EML2: variants seen among roughly 807,000 people sequenced by gnomAD.
EML2 encodes echinoderm microtubule-associated protein-like 2.
A neutral mutation model predicts 84.7 loss-of-function variants in EML2; 59 were observed. That is an observed-to-expected ratio of 0.70 (90% CI 0.56 to 0.86). The LOEUF (loss-of-function observed/expected upper bound fraction) is 0.86. Ranked by LOEUF, EML2 falls within the 40% of genes least tolerant of loss-of-function variation. The probability of loss-of-function intolerance (pLI) is 0.00; values close to 1 mark genes in which losing one functional copy is unlikely to be tolerated. For synonymous variants in EML2, 352 were observed against 348.9 expected, an observed-to-expected ratio of 1.01 and a Z score of -0.10; for missense variants, 818 against 855.6, an observed-to-expected ratio of 0.96 and a Z score of 0.55.
At chr19:45,630,403 A>C (rs933594672) in intron 6 of EML2, among the ~76,000 whole-genome samples, 6 of 151,904 alleles carry the variant, frequency 3.9e-5, no homozygotes, top group Non-Finnish European at 7.4e-5. Flanking sequence ...AATACAAAAA[A>C]TTAGCCAGGC....
chr19:45,614,693 C>G lies in EML2; in HGVS notation c.1605G>C (p.Pro535=), dbSNP rs201278347. The G allele has an allele frequency of 6.2e-7, 1 of 1,613,828 alleles. No individual in the cohort carries two copies. Among genetic ancestry groups the G allele is most frequent in the Non-Finnish European group, 8.5e-7 (1 of 1,179,804 alleles). The part of the protein sequence containing the change: ...SGDYEILYWD[P]ATCKQITSAD... ...CACTGGTGATCTGCTTACAGGTAGC[C>G]GGGTCCCCTGGGGCAGAAAATGGGA... The change falls in exon 17 of 19, where the codon CCG becomes CCC. Residue 535 remains proline (P), a synonymous_variant. Transcript: ENST00000245925.
intron 7 of EML2, among the ~76,000 whole-genome samples, chr19:45,627,706 C>T (rs1204537088): frequency 6.6e-6 from 1 of 152,228 alleles, no homozygotes; most frequent in Non-Finnish European, 1.5e-5. Flanking sequence ...ATCATTAGCT[C>T]CTTTAATCCT....
chr19:45,632,741 G>C, intron 6 of EML2, 120 bp downstream of exon 6: 1 of 820,412 alleles, frequency 1.2e-6, no homozygotes, highest in Non-Finnish European at 2.0e-6. Context: ...ACGTCACAGA[G>C]GCGGGCCACG....
intron 3 of EML2, among the ~76,000 whole-genome samples, chr19:45,634,804 AC>A (rs1973530492): frequency 6.7e-6 from 1 of 149,744 alleles, no homozygotes; most frequent in African/African-American, 2.5e-5. Context: ...CTTGTGATCC[AC>A]CCGCCTCGCC....
At chr19:45,616,133 G>A (rs113324899) in intron 15 of EML2, 1 of 571,602 alleles carries the variant, frequency 1.7e-6, no homozygotes, top group Non-Finnish European at 3.1e-6. Flanking sequence ...TTTAGAACAG[G>A]TGGGCAGGGC....
intron 12 of EML2, among the ~76,000 whole-genome samples, chr19:45,618,220 C>T (rs1412363103): frequency 6.6e-5 from 10 of 151,052 alleles, no homozygotes; most frequent in African/African-American, 2.4e-5. Flanking sequence ...CCCACCACCA[C>T]GCCCGGCTAA....
At position 45,618,186 on chromosome 19, in the gene EML2, C is replaced by A. The variant is rs538976877; in HGVS notation, c.1255-489G>T. ...TCAAGCGATTCTCCTGGCTCAGCCT[C>A]CCAAGTAGCTGACATTACAGGCGCC... On this transcript the variant is annotated intron_variant, in intron 12 of 18. Transcript: ENST00000245925. Among the ~76,000 whole-genome samples, 130 of 152,112 alleles carry A rather than the reference C, an allele frequency of 8.5e-4. 2 individuals are homozygous for A. The highest frequency in any genetic ancestry group is 2.9e-3 in the African/African-American group (119 of 41,490).
chr19:45,640,311 C>G (rs1974307540), upstream of EML2: 1 of 152,146 alleles, frequency 6.6e-6, no homozygotes, highest in African/African-American at 2.4e-5. Flanking sequence ...CTCGAATTTC[C>G]TAGGCTTAAG....
upstream of EML2, chr19:45,645,601 C>T: frequency 1.5e-6 from 1 of 645,840 alleles, no homozygotes; most frequent in Non-Finnish European, 2.5e-6. Flanking sequence ...CCCCTAGGTA[C>T]CGTCTGGTCC....
At chr19:45,618,647 G>C (rs1971353778) in intron 12 of EML2, among the ~76,000 whole-genome samples, 1 of 151,972 alleles carries the variant, frequency 6.6e-6, no homozygotes, top group South Asian at 2.1e-4. Flanking sequence ...CCCCCACCCT[G>C]CTTAAAAAGA....
At chr19:45,623,013 C>T (rs1245773371) in intron 9 of EML2, among the ~76,000 whole-genome samples, 3 of 148,132 alleles carry the variant, frequency 2.0e-5, no homozygotes, top group Admixed American at 6.8e-5. Context: ...CGCCACTGCA[C>T]CCCAGCATGG....
chr19:45,614,979 T>A, intron 16 of EML2: 1 of 336,302 alleles, frequency 3.0e-6, no homozygotes, highest in Non-Finnish European at 5.7e-6. Flanking sequence ...TCTGGCTGGA[T>A]CACCTGAGGT....
At chr19:45,637,667 C>CTTTTTTTT (rs58180181) in intron 3 of EML2, among the ~76,000 whole-genome samples, 19 of 48,912 alleles carry the variant, frequency 3.9e-4, no homozygotes, top group East Asian at 6.5e-4. Flanking sequence ...TTTTTCTTTT[C>CTTTTTTTT]TTTTTTTTTT....
At chr19:45,642,165 C>A (rs1270072013), upstream of EML2, 1 of 1,521,238 alleles carries the variant, frequency 6.6e-7, no homozygotes, top group Non-Finnish European at 8.8e-7. Context: ...GCGGAGGCGC[C>A]CGGCCCTTGG....
intron 15 of EML2, chr19:45,616,100 A>T: frequency 1.7e-6 from 1 of 585,590 alleles, no homozygotes; most frequent in Non-Finnish European, 3.1e-6. Flanking sequence ...GCTAGACAAA[A>T]AGCACTTAGA....
At chr19:45,642,348 G>T (rs1442708497), upstream of EML2, 1 of 1,529,106 alleles carries the variant, frequency 6.5e-7, no homozygotes, top group Non-Finnish European at 8.8e-7. Flanking sequence ...CCGACAAATT[G>T]TCATCTGGAA....
rs752065381 is a variant in EML2, at chr19:45,621,436, C to CG, written c.996+46dup. 4.2e-3 allele frequency: 6,638 copies of CG among 1,583,246 alleles called. 28 individuals carry two copies. Among genetic ancestry groups the CG allele is most frequent in the African/African-American group, 5.3e-3 (394 of 74,504 alleles). ...CTGGCGTTGGGAGCCCTGGTGAGAT[C>CG]GGGGGGGGCCTCTCTACCCCCATCT... On this transcript the variant is annotated intron_variant, in intron 10 of 18. Coordinates refer to ENST00000245925, the MANE Select transcript of EML2 (RefSeq NM_012155.4).
At chr19:45,639,450 G>C, upstream of EML2, 1 of 1,231,798 alleles carries the variant, frequency 8.1e-7, no homozygotes. Flanking sequence ...CCTGGGAGGC[G>C]CCCGGGCCGC....
At chr19:45,613,703 G>A (rs200082420) in intron 17 of EML2, 32 bp from the exon 18 acceptor site, 2 of 1,601,796 alleles carry the variant, frequency 1.2e-6, no homozygotes, top group Non-Finnish European at 8.5e-7. Flanking sequence ...GTGGTAAGAT[G>A]TCAGCTGGAG....
Sources: gnomAD v4.1 joint callset for allele counts (sites outside exome capture counted in the v4.1 genomes callset) on GRCh38, gnomAD v4.1.1 for gene constraint, MANE v1.5 for transcripts, NCBI Gene and HGNC (gene_info 2026-07-23, HGNC 2026-07-21) for gene names.